PACRG: variants seen among roughly 807,000 people sequenced by gnomAD.
PACRG encodes the protein parkin coregulated, also known as parkin coregulated gene protein.
Under a neutral mutation model 29.7 loss-of-function variants are expected in PACRG, and 29 were observed. That is an observed-to-expected ratio of 0.98 (90% CI 0.73 to 1.33). PACRG has a LOEUF of 1.33. Ranked by LOEUF, PACRG falls within the 40% of genes most tolerant of loss-of-function variation. The pLI is 0.00. For missense variants in PACRG, 279 were observed against 316.2 expected, an observed-to-expected ratio of 0.88 and a Z score of 0.89; for synonymous variants, 116 against 118.7, an observed-to-expected ratio of 0.98 and a Z score of 0.15.
intron 4 of PACRG, among the ~76,000 whole-genome samples, chr6:163,178,143 A>T (rs748096848): frequency 2.0e-5 from 3 of 152,126 alleles, no homozygotes; most frequent in Admixed American, 2.0e-4. Context: ...TGTGAGAAGG[A>T]GGGCTCCCTG....
chr6:162,904,466 G>A (rs981415233), intron 2 of PACRG, among the ~76,000 whole-genome samples: 6 of 152,300 alleles, frequency 3.9e-5, no homozygotes, highest in Admixed American at 1.3e-4. Context: ...GTGAGGGAGC[G>A]AGGGAGGCCA....
intron 2 of PACRG, among the ~76,000 whole-genome samples, chr6:163,045,653 C>G (rs1376663926): frequency 7.1e-6 from 1 of 140,020 alleles, no homozygotes; most frequent in Non-Finnish European, 1.5e-5. Context: ...GATGGAGTCT[C>G]GCTCTGTCCC....
rs1015903215 is a variant in PACRG, at chr6:163,122,328, T to C, written c.613+32920T>C. Among the ~76,000 whole-genome samples, 4 of 152,038 alleles carry C rather than the reference T, an allele frequency of 2.6e-5. No individual in the cohort carries two copies. The East Asian group carries it at 7.7e-4, about 29-fold the overall frequency. ...ACTTCCTTTTCTATTTGTTCAGCTT[T>C]ACTGAGATGTAATTGTGCTATAGTT... On this transcript the variant is annotated intron_variant, in intron 4 of 4. Coordinates refer to ENST00000366888, the MANE Select transcript of PACRG (RefSeq NM_001080379.2).
chr6:162,867,873 G>A (rs1307819024), intron 2 of PACRG, among the ~76,000 whole-genome samples: 1 of 151,892 alleles, frequency 6.6e-6, no homozygotes, highest in Non-Finnish European at 1.5e-5. Flanking sequence ...CCTGGAGCCA[G>A]GCCGACGTTG....
chr6:162,970,383 CTCATCT>C (rs1801427226), intron 2 of PACRG, among the ~76,000 whole-genome samples: 1 of 152,126 alleles, frequency 6.6e-6, no homozygotes, highest in Admixed American at 6.5e-5. Context: ...TACTGGAGAG[CTCATCT>C]TGCAGAAGCT....
intron 4 of PACRG, among the ~76,000 whole-genome samples, chr6:163,284,777 A>G (rs922887040): frequency 7.2e-5 from 11 of 151,852 alleles, no homozygotes; most frequent in East Asian, 1.9e-4. Context: ...CTGCCCTTCT[A>G]TCTCCTCAAG....
chr6:163,238,456 T>G (rs1212720933), intron 4 of PACRG, among the ~76,000 whole-genome samples: 1 of 152,180 alleles, frequency 6.6e-6, no homozygotes, highest in Non-Finnish European at 1.5e-5. Context: ...GAGGAAGAAT[T>G]TGAATAGAAG....
At chr6:162,768,489 T>TTA (rs1419471148) in intron 1 of PACRG, among the ~76,000 whole-genome samples, 4 of 152,252 alleles carry the variant, frequency 2.6e-5, no homozygotes, top group Admixed American at 6.5e-5. Flanking sequence ...TTTGGGGAAT[T>TTA]TGGAAAATCA....
intron 2 of PACRG, among the ~76,000 whole-genome samples, chr6:163,041,946 A>G (rs1368053875): frequency 1.3e-5 from 2 of 152,182 alleles, no homozygotes; most frequent in East Asian, 1.9e-4. Flanking sequence ...GCTCACTGCA[A>G]CTTCCGCCTC....
intron 1 of PACRG, among the ~76,000 whole-genome samples, chr6:162,735,827 C>T (rs767881429): frequency 4.6e-5 from 7 of 152,050 alleles, no homozygotes; most frequent in Non-Finnish European, 8.8e-5. Flanking sequence ...TCAACTAGCT[C>T]ACAGTGAAAT....
At chr6:162,981,965 A>G (rs1802475197) in intron 2 of PACRG, among the ~76,000 whole-genome samples, 1 of 121,674 alleles carries the variant, frequency 8.2e-6, no homozygotes, top group Admixed American at 8.5e-5. Flanking sequence ...TATTGTTACT[A>G]TTGTTACTTG....
At chr6:162,838,491 G>A (rs1013946157) in intron 2 of PACRG, among the ~76,000 whole-genome samples, 1 of 152,120 alleles carries the variant, frequency 6.6e-6, no homozygotes, top group Non-Finnish European at 1.5e-5. Context: ...TTCAAAGAAG[G>A]CTGGGAAATA....
intron 3 of PACRG, among the ~76,000 whole-genome samples, chr6:163,075,474 C>T (rs555855338): frequency 2.8e-4 from 42 of 152,204 alleles, no homozygotes; most frequent in Admixed American, 7.8e-4. Flanking sequence ...GACAATCTCA[C>T]TCATAAACAT....
chr6:162,856,033 C>T (rs1459635564), intron 2 of PACRG, among the ~76,000 whole-genome samples: 1 of 151,992 alleles, frequency 6.6e-6, no homozygotes. Context: ...TCCAAAGCTG[C>T]GAGTTTTGGT....
chr6:163,160,318 A>G (rs1778504636), intron 4 of PACRG, among the ~76,000 whole-genome samples: 1 of 152,214 alleles, frequency 6.6e-6, no homozygotes, highest in South Asian at 2.1e-4. Flanking sequence ...CTGTCACCAA[A>G]GACTCAATAA....
rs192498370 is a variant in PACRG at position 162,909,927 on chromosome 6, T to G, written c.291+95646T>G. Among the ~76,000 whole-genome samples the G allele has an allele frequency of 2.0e-5, 3 of 152,324 alleles. No individual in the cohort carries two copies. In the East Asian group the frequency reaches 5.8e-4, roughly 29 times the overall value. On this transcript the variant is annotated intron_variant, in intron 2 of 4. Coordinates refer to ENST00000366888, the MANE Select transcript of PACRG (RefSeq NM_001080379.2). ...GGTTTTACACTAGAATAATTTCCTC[T>G]TTGCTCTCTGCAAACACGTATATGA...
chr6:162,732,493 A>T (rs1779845926), intron 1 of PACRG, among the ~76,000 whole-genome samples: 2 of 152,222 alleles, frequency 1.3e-5, no homozygotes, highest in South Asian at 4.1e-4. Flanking sequence ...GTCCGGCTCA[A>T]ACTCACAATG....
intron 4 of PACRG, among the ~76,000 whole-genome samples, chr6:163,308,392 G>A (rs1785272031): frequency 6.6e-6 from 1 of 152,242 alleles, no homozygotes; most frequent in Admixed American, 6.5e-5. Flanking sequence ...TTGGCTGGGT[G>A]TGGTGGCTCA....
At chr6:163,215,185 G>A (rs1004809261) in intron 4 of PACRG, among the ~76,000 whole-genome samples, 4 of 151,896 alleles carry the variant, frequency 2.6e-5, no homozygotes, top group Non-Finnish European at 5.9e-5. Flanking sequence ...TAATATTCAA[G>A]ATAATCATCT....
Sources: allele counts gnomAD v4.1 joint callset (sites outside exome capture counted in the v4.1 genomes callset), GRCh38; gene constraint gnomAD v4.1.1; transcripts MANE v1.5; gene names NCBI Gene and HGNC (gene_info 2026-07-23, HGNC 2026-07-21).